PKP2: variants seen among roughly 807,000 people sequenced by gnomAD.
The protein encoded by PKP2 is plakophilin 2.
PKP2 carries 73 observed loss-of-function variants against 83.4 expected under a neutral mutation model. That is an observed-to-expected ratio of 0.88 (90% confidence interval 0.72 to 1.06). PKP2 has a LOEUF of 1.06. PKP2 is among the 50% of genes least tolerant of loss of function. The pLI, the probability that PKP2 is intolerant of heterozygous loss-of-function variation, is 0.00. For missense variants in PKP2, 966 were observed against 1,065.4 expected, an observed-to-expected ratio of 0.91 and a Z score of 1.30; for synonymous variants, 409 against 430.4, an observed-to-expected ratio of 0.95 and a Z score of 0.62.
chr12:32,890,478 T>C (rs1957067711), intron 1 of PKP2, among the ~76,000 whole-genome samples: 1 of 152,236 alleles, frequency 6.6e-6, no homozygotes, highest in Non-Finnish European at 1.5e-5. Flanking sequence ...TCCAAGAATA[T>C]AAATATGTGA....
At chr12:32,824,455 A>C (rs1418231753) in intron 6 of PKP2, 7 of 385,810 alleles carry the variant, frequency 1.8e-5, no homozygotes, top group Non-Finnish European at 3.4e-5. Context: ...GAGTGTGGAT[A>C]TGAGGCAAAT....
At chr12:32,841,308 T>C (rs942403839) in intron 5 of PKP2, 103 bp from the exon 6 acceptor site, 19 of 951,856 alleles carry the variant, frequency 2.0e-5, no homozygotes, top group Middle Eastern at 2.1e-4. Flanking sequence ...TGACTAGTCA[T>C]AAAAAAATTT....
intron 4 of PKP2, among the ~76,000 whole-genome samples, chr12:32,852,148 T>C (rs1272674365): frequency 6.6e-6 from 1 of 152,196 alleles, no homozygotes; most frequent in Admixed American, 6.5e-5. Context: ...CCAAGAGCTG[T>C]TGGTAAAGAT....
At chr12:32,809,888 G>A (rs11533495) in intron 9 of PKP2, among the ~76,000 whole-genome samples, 8,523 of 152,192 alleles carry the variant, frequency 0.056, 1,023 homozygotes, top group East Asian at 0.54. Context: ...ATTCTCTCTG[G>A]ATCAGGGTGA....
intron 4 of PKP2, among the ~76,000 whole-genome samples, chr12:32,861,762 G>T (rs1228236998): frequency 6.6e-6 from 1 of 152,208 alleles, no homozygotes; most frequent in African/African-American, 2.4e-5. Context: ...ACACCAGTAA[G>T]AAAGAGAAAA....
intron 5 of PKP2, among the ~76,000 whole-genome samples, chr12:32,848,234 T>C (rs56163728): frequency 0.44 from 66,653 of 151,934 alleles, 16,582 homozygotes; most frequent in African/African-American, 0.69. Flanking sequence ...ACCAGCCTGA[T>C]CAACGTGGCG....
chr12:32,822,483 C>T lies in PKP2; in HGVS notation c.1823G>A (p.Ser608Asn). The change falls in exon 8 of 13, where the codon AGC becomes AAC. Residue 608 changes from serine (S) to asparagine (N), a missense_variant. By Grantham distance (46) the Ser-to-Asn change is conservative (BLOSUM62 1). Transcript: ENST00000340811. ...NKSIGCFGSR[S>N]RKVKEQYQDV... The stretch of plus-strand genomic sequence containing the variant: ...CCAATATACCTCTTTTACTTTCCTG[C>T]TTCGACTGCCAAAACATCCAATACT... 1 of 1,614,026 alleles carries T rather than the reference C, an allele frequency of 6.2e-7. No homozygotes were observed. Among genetic ancestry groups the T allele is most frequent in the Non-Finnish European group, 8.5e-7 (1 of 1,179,996 alleles).
chr12:32,883,125 A>G (rs1222370957), intron 1 of PKP2, among the ~76,000 whole-genome samples: 1 of 152,236 alleles, frequency 6.6e-6, no homozygotes, highest in Admixed American at 6.5e-5. Context: ...AAATAACTAC[A>G]AAGTAGTTGG....
chr12:32,841,356 A>T, intron 5 of PKP2, 151 bp from the exon 6 acceptor site: 1 of 671,742 alleles, frequency 1.5e-6, no homozygotes, highest in South Asian at 1.7e-5. Context: ...CAACTAGAAG[A>T]ACCCAATTAG....
At chr12:32,816,203 T>A (rs751823211) in intron 9 of PKP2, among the ~76,000 whole-genome samples, 7 of 152,112 alleles carry the variant, frequency 4.6e-5, no homozygotes, top group Non-Finnish European at 1.0e-4. Context: ...GCATAGTACA[T>A]AATAGTTAGT....
chr12:32,872,498 C>T (rs1329554186), intron 3 of PKP2, among the ~76,000 whole-genome samples: 1 of 152,140 alleles, frequency 6.6e-6, no homozygotes, highest in African/African-American at 2.4e-5. Context: ...CGTGCCATTG[C>T]ACTCCAGCCT....
Position 32,792,724 on chromosome 12 carries a change from A to T in PKP2, c.2365T>A (p.Ser789Thr). The T allele has an allele frequency of 1.9e-6, 3 of 1,613,624 alleles. No homozygotes were observed. The highest frequency in any genetic ancestry group is 2.5e-6 in the Non-Finnish European group (3 of 1,179,652). ...MAISAGDAYA[S>T]NKASKAASVL... is the part of the protein sequence containing the mutation. ...GAAGCAGCTTTACTTGCTTTGTTGGAGGCATAGCTGAAAAGAAAAGGACAT... is the reference window on the plus strand; with the variant it reads ...GAAGCAGCTTTACTTGCTTTGTTGGTGGCATAGCTGAAAAGAAAAGGACAT... Residue 789 changes from serine (S) to threonine (T), a missense_variant, in exon 12 of 13, where the codon TCC becomes ACC. By Grantham distance (58) the Ser-to-Thr change is moderately conservative. Transcript: ENST00000340811.
At chr12:32,895,777 G>A (rs1957117208) in intron 1 of PKP2, among the ~76,000 whole-genome samples, 1 of 152,158 alleles carries the variant, frequency 6.6e-6, no homozygotes, top group African/African-American at 2.4e-5. Context: ...TTTCACCTTC[G>A]GGTTTAATTT....
intron 2 of PKP2, 80 bp downstream of exon 2, chr12:32,878,840 T>G: frequency 1.2e-6 from 1 of 868,804 alleles, no homozygotes; most frequent in East Asian, 2.4e-5. Flanking sequence ...AAGTAAACAC[T>G]CAAAAATAAT....
chr12:32,880,706 ATAC>A (rs1956977714), intron 1 of PKP2, among the ~76,000 whole-genome samples: 1 of 152,052 alleles, frequency 6.6e-6, no homozygotes, highest in African/African-American at 2.4e-5. Context: ...ATATCTTCAC[ATAC>A]TCCTGTCTGA....
At chr12:32,796,642 G>A (rs1465724197) in intron 10 of PKP2, among the ~76,000 whole-genome samples, 2 of 151,830 alleles carry the variant, frequency 1.3e-5, no homozygotes, top group African/African-American at 2.4e-5. Context: ...CTCGTGATCC[G>A]CCAGCCTCGG....
intron 10 of PKP2, among the ~76,000 whole-genome samples, chr12:32,797,568 T>G (rs1565572923): frequency 6.6e-6 from 1 of 150,708 alleles, no homozygotes; most frequent in Non-Finnish European, 1.5e-5. Context: ...ATCTTTTTTT[T>G]TTTTTGAAAC....
chr12:32,797,582 G>A, intron 10 of PKP2, among the ~76,000 whole-genome samples: 1 of 101,136 alleles, frequency 9.9e-6, no homozygotes, highest in African/African-American at 4.5e-5. Flanking sequence ...TTGAAACAGA[G>A]TCTTGCTCTG....
rs1956587369 is a variant in PKP2, at chr12:32,841,119, T to A, written c.1465A>T (p.Ile489Phe). The change falls in exon 6 of 13, where the codon ATC becomes TTC. Residue 489 changes from isoleucine to phenylalanine, a missense_variant. Coordinates refer to ENST00000340811, the MANE Select transcript of PKP2 (RefSeq NM_001005242.3). ...CCTTCAGGCCACCCAGAAAAGGGGATGATGATATTCTCCGTCAGCGTAAGC... is the reference window on the plus strand; with the variant it reads ...CCTTCAGGCCACCCAGAAAAGGGGAAGATGATATTCTCCGTCAGCGTAAGC... Reference protein sequence around the residue: ...ALLTLTENIIIPFSGWPEGDY... With the variant: ...ALLTLTENIIFPFSGWPEGDY... 2 of 1,612,950 alleles carry A rather than the reference T, an allele frequency of 1.2e-6. No individual in the cohort carries two copies. The highest frequency in any genetic ancestry group is 4.5e-5 in the East Asian group (2 of 44,874).
Sources: gnomAD v4.1 joint callset for allele counts (sites outside exome capture counted in the v4.1 genomes callset) on GRCh38, gnomAD v4.1.1 for gene constraint, MANE v1.5 for transcripts, NCBI Gene and HGNC (gene_info 2026-07-23, HGNC 2026-07-21) for gene names.